PDE12: variants seen among roughly 807,000 people sequenced by gnomAD.
PDE12 encodes phosphodiesterase 12.
PDE12 carries 26 observed loss-of-function variants against 45.4 expected under a neutral mutation model. That is an observed-to-expected ratio of 0.57 (90% CI 0.42 to 0.79). PDE12 has a LOEUF of 0.79. Ranked by LOEUF, PDE12 falls within the 30% of genes least tolerant of loss-of-function variation. The pLI, the probability that PDE12 is intolerant of heterozygous loss-of-function variation, is 0.00. For synonymous variants in PDE12, 283 were observed against 323.9 expected (o/e 0.87, Z 1.36); for missense variants, 668 against 790.0 (o/e 0.85, Z 1.85).
chr3:57,572,459 C>T, the PDE12 span, among the ~76,000 whole-genome samples: 1 of 152,166 alleles, frequency 6.6e-6, no homozygotes, highest in African/African-American at 2.4e-5. Flanking sequence ...GTGGCTCACA[C>T]CTATAAATCC....
At chr3:57,597,010 G>A in the PDE12 span, 1,387 of 1,566,956 alleles carry the variant, frequency 8.9e-4, 9 homozygotes, top group African/African-American at 0.011. Flanking sequence ...AGGCCCAGAG[G>A]CCACCCCAAT....
At chr3:57,642,083 G>A in the PDE12 span, among the ~76,000 whole-genome samples, 1 of 152,070 alleles carries the variant, frequency 6.6e-6, no homozygotes, top group Non-Finnish European at 1.5e-5. Flanking sequence ...CGGAGGCTGA[G>A]GCGGGCAGAT....
At chr3:57,593,076 G>A in the PDE12 span, among the ~76,000 whole-genome samples, 2 of 152,146 alleles carry the variant, frequency 1.3e-5, no homozygotes, top group East Asian at 1.9e-4. Flanking sequence ...GCATAGTGGC[G>A]CCTGTAGTCC....
At chr3:57,576,026 C>T in the PDE12 span, among the ~76,000 whole-genome samples, 1 of 152,108 alleles carries the variant, frequency 6.6e-6, no homozygotes, top group Non-Finnish European at 1.5e-5. Context: ...TCTTATGGTA[C>T]TTAGTAGCAG....
chr3:57,559,645 G>A lies in PDE12; in HGVS notation c.1471G>A (p.Val491Ile). Residue 491 changes from valine (V) to isoleucine (I), a missense_variant, in exon 3 of 3, where the codon GTT becomes ATT. This residue lies in a region of PDE12 where 580 missense variants were observed against 662.9 expected (regional missense o/e 0.87). Transcript: ENST00000311180. ...VSCDLYPGIP[V>I]IFCGDFNSTP... is the part of the protein sequence containing the mutation. ...ATGTGATCTGTATCCTGGCATACCA[G>A]TTATATTTTGTGGGGACTTTAATAG... is the stretch of plus-strand genomic sequence containing the variant. The A allele has an allele frequency of 1.9e-6, 3 of 1,614,172 alleles. No individual in the cohort carries two copies. Among genetic ancestry groups the A allele is most frequent in the African/African-American group, 1.3e-5 (1 of 75,038 alleles).
At chr3:57,651,087 C>G in the PDE12 span, among the ~76,000 whole-genome samples, 2 of 152,040 alleles carry the variant, frequency 1.3e-5, no homozygotes, top group Admixed American at 1.3e-4. Context: ...CCTGGCCCAT[C>G]CACATGGAAT....
rs1042086094 is a variant in PDE12, at chr3:57,561,279, A to G, written c.*1275A>G. ...TTTGGATGAATCATTGAGCATTTCTACACTAGAAGTAATTTCAAAATTGTT... is the reference window on the plus strand; with the variant it reads ...TTTGGATGAATCATTGAGCATTTCTGCACTAGAAGTAATTTCAAAATTGTT... On this transcript the variant is annotated 3_prime_UTR_variant, in exon 3 of 3. Transcript: ENST00000311180. 11 of 985,408 alleles carry G rather than the reference A, an allele frequency of 1.1e-5. No homozygotes were observed. Among genetic ancestry groups the G allele is most frequent in the Non-Finnish European group, 1.3e-5 (11 of 829,634 alleles). 61.0% of individuals were successfully genotyped at this position (985,408 alleles called of 1,614,324 possible).
the PDE12 span, among the ~76,000 whole-genome samples, chr3:57,584,856 G>C: frequency 6.6e-6 from 1 of 151,712 alleles, no homozygotes. Flanking sequence ...AGCATTTTTT[G>C]GGGGGTGGAG....
the PDE12 span, chr3:57,628,976 C>A: frequency 8.7e-7 from 1 of 1,155,928 alleles, no homozygotes; most frequent in Non-Finnish European, 1.2e-6. Flanking sequence ...GAAGGAAAGA[C>A]AAGAAGGAAA....
At chr3:57,572,136 G>A in the PDE12 span, 1 of 1,159,066 alleles carries the variant, frequency 8.6e-7, no homozygotes, top group Admixed American at 1.7e-5. Context: ...TAATAACCAA[G>A]ATACAAACTA....
At chr3:57,583,855 A>G in the PDE12 span, 1 of 1,379,010 alleles carries the variant, frequency 7.3e-7, no homozygotes, top group Non-Finnish European at 1.0e-6. Context: ...TTAGAGCATG[A>G]AACCCACAAA....
chr3:57,600,577 T>G, the PDE12 span, among the ~76,000 whole-genome samples: 1,057 of 151,870 alleles, frequency 7.0e-3, 7 homozygotes, highest in Non-Finnish European at 0.011. Flanking sequence ...TTATGTATTT[T>G]TGGTAGAGTT....
At chr3:57,605,722 A>T in the PDE12 span, among the ~76,000 whole-genome samples, 2 of 152,202 alleles carry the variant, frequency 1.3e-5, no homozygotes, top group African/African-American at 4.8e-5. Context: ...GGAATACATG[A>T]CCATCATGAG....
At chr3:57,596,991 GAAA>G in the PDE12 span, 661,977 of 1,493,854 alleles carry the variant, frequency 0.44, 150,353 homozygotes, top group Middle Eastern at 0.59. Context: ...GCGGGCGGAG[GAAA>G]AAAACAGGCC....
the PDE12 span, chr3:57,596,964 G>T: frequency 1.7e-6 from 2 of 1,205,488 alleles, no homozygotes; most frequent in Non-Finnish European, 2.4e-6. Flanking sequence ...CCGACCCGGC[G>T]CCCCTCCCCC....
the PDE12 span, among the ~76,000 whole-genome samples, chr3:57,611,091 C>T: frequency 6.6e-6 from 1 of 152,074 alleles, no homozygotes; most frequent in Non-Finnish European, 1.5e-5. Context: ...CATCTACAAC[C>T]ATCTGATCTT....
At chr3:57,572,973 C>T in the PDE12 span, among the ~76,000 whole-genome samples, 7 of 151,908 alleles carry the variant, frequency 4.6e-5, no homozygotes, top group Non-Finnish European at 7.4e-5. Context: ...GAGGCTGAGG[C>T]GGATGGATCA....
At chr3:57,577,400 T>C in the PDE12 span, 1 of 1,611,176 alleles carries the variant, frequency 6.2e-7, no homozygotes, top group Non-Finnish European at 8.5e-7. Flanking sequence ...GGGGAAAAAT[T>C]GTTTCAGTAA....
At chr3:57,644,743 G>A in the PDE12 span, among the ~76,000 whole-genome samples, 1 of 6,862 alleles carries the variant, frequency 1.5e-4, no homozygotes, top group Non-Finnish European at 2.6e-4. Context: ...AGGGAGGGGA[G>A]GGGTGGGGAG....
Sources: gnomAD v4.1 joint callset for allele counts (sites outside exome capture counted in the v4.1 genomes callset) on GRCh38, gnomAD v4.1.1 for gene constraint, gnomAD v4.1.1 regional missense constraint, MANE v1.5 for transcripts, NCBI Gene and HGNC (gene_info 2026-07-23, HGNC 2026-07-21) for gene names.